The following CCDC144A variants were observed in gnomAD, a reference collection of about 807,000 sequenced individuals.
The protein encoded by CCDC144A is coiled-coil domain containing 144A, also known as coiled-coil domain-containing protein 144A.
In CCDC144A, 41 loss-of-function variants were observed where a neutral mutation model predicts 143.8. The ratio of observed to expected loss-of-function variants is 0.29; its 90% CI spans 0.22 to 0.37. The LOEUF (loss-of-function observed/expected upper bound fraction) is 0.37. Among genes scored for constraint, CCDC144A ranks in the 10% least tolerant of loss-of-function variants. The probability of loss-of-function intolerance (pLI) is 1.00; values close to 1 mark genes in which losing one functional copy is unlikely to be tolerated. For missense variants in CCDC144A, 637 were observed against 1,488.8 expected, an observed-to-expected ratio of 0.43 and a Z score of 9.41; for synonymous variants, 242 against 517.9, an observed-to-expected ratio of 0.47 and a Z score of 7.23.
At position 16,690,566 on chromosome 17, in the gene CCDC144A, A is replaced by G; in HGVS notation, c.166A>G (p.Asn56Asp). 6.2e-7 allele frequency: 1 copy of G among 1,613,642 alleles called. No individual in the cohort carries two copies. Among genetic ancestry groups the G allele is most frequent in the Non-Finnish European group, 8.5e-7 (1 of 1,179,800 alleles). The change falls in exon 1 of 17, where the codon AAC (asparagine) becomes GAC (aspartate). Residue 56 changes from asparagine (N) to aspartate (D), a missense_variant. Asn to Asp is a conservative substitution (Grantham distance 23, BLOSUM62 1). Coordinates refer to ENST00000399273, the MANE Select transcript of CCDC144A (RefSeq NM_001382000.1). ...SSGFPYSWWK[N>D]SVGSESKHGE... is the part of the protein sequence containing the mutation. Reference sequence around the variant, plus strand: ...GGGCTTCCCCTACAGCTGGTGGAAAAACAGCGTCGGCAGCGAGAGCAAGCA... The same window carrying G: ...GGGCTTCCCCTACAGCTGGTGGAAAGACAGCGTCGGCAGCGAGAGCAAGCA...
At chr17:16,750,288 G>A (rs973657417) in intron 12 of CCDC144A, among the ~76,000 whole-genome samples, 5 of 151,488 alleles carry the variant, frequency 3.3e-5, no homozygotes, top group African/African-American at 4.9e-5. Context: ...CTGGTCTAGC[G>A]GTAATGAATT....
At chr17:16,688,936 T>A (rs184533251), upstream of CCDC144A, among the ~76,000 whole-genome samples, 2 of 152,322 alleles carry the variant, frequency 1.3e-5, no homozygotes, top group African/African-American at 4.8e-5. Context: ...TCTCCTCGGC[T>A]GCAGCATCTG....
chr17:16,709,677 T>C, intron 5 of CCDC144A, 42 bp downstream of exon 5: 1 of 1,593,306 alleles, frequency 6.3e-7, no homozygotes, highest in South Asian at 1.2e-5. Context: ...TTTCTCTCAA[T>C]TATCTGGTCC....
the CCDC144A span, chr17:16,683,817 G>C: frequency 1.4e-6 from 2 of 1,425,558 alleles, no homozygotes; most frequent in Non-Finnish European, 2.0e-6. Flanking sequence ...GTGAAGCCGA[G>C]CGTGAAGCCG....
At chr17:16,676,644 CCAGA>C in the CCDC144A span, among the ~76,000 whole-genome samples, 2 of 152,030 alleles carry the variant, frequency 1.3e-5, no homozygotes, top group Non-Finnish European at 2.9e-5. Context: ...TCTCTTCTTA[CCAGA>C]CAATTGTCAA....
At chr17:16,770,644 G>A (rs1915790832) in intron 15 of CCDC144A, among the ~76,000 whole-genome samples, 1 of 151,988 alleles carries the variant, frequency 6.6e-6, no homozygotes, top group Admixed American at 6.5e-5. Context: ...GACTAAATCA[G>A]TGACATTCAT....
chr17:16,740,042 T>A (rs564522303), intron 12 of CCDC144A, among the ~76,000 whole-genome samples: 1 of 152,194 alleles, frequency 6.6e-6, no homozygotes, highest in South Asian at 2.1e-4. Context: ...CCCATTTCCA[T>A]CAAATCTTGG....
At chr17:16,716,479 G>A (rs2589722) in intron 6 of CCDC144A, among the ~76,000 whole-genome samples, 7 of 151,808 alleles carry the variant, frequency 4.6e-5, no homozygotes, top group African/African-American at 1.7e-4. Flanking sequence ...GGCAAATCCA[G>A]CTTTTTATAT....
the CCDC144A span, chr17:16,666,827 C>T: frequency 6.5e-6 from 1 of 154,288 alleles, no homozygotes; most frequent in African/African-American, 2.4e-5. Context: ...ATTTCCCCCA[C>T]TCTTGGGCAC....
chr17:16,669,450 C>T, the CCDC144A span, among the ~76,000 whole-genome samples: 1 of 152,310 alleles, frequency 6.6e-6, no homozygotes, highest in South Asian at 2.1e-4. Context: ...ACTTGTCTAA[C>T]GGCAAGTCTG....
intron 11 of CCDC144A, among the ~76,000 whole-genome samples, chr17:16,733,271 G>A (rs942664475): frequency 3.5e-5 from 5 of 144,784 alleles, no homozygotes; most frequent in African/African-American, 1.3e-4. Flanking sequence ...GGAGACTGAG[G>A]CGGGTGGATC....
intron 12 of CCDC144A, among the ~76,000 whole-genome samples, chr17:16,753,320 A>C (rs1405113443): frequency 6.6e-6 from 1 of 151,638 alleles, no homozygotes; most frequent in Admixed American, 6.6e-5. Flanking sequence ...TTCAGTCTGT[A>C]GACTGCTTTC....
At chr17:16,723,649 T>C (rs1396469036) in intron 8 of CCDC144A, among the ~76,000 whole-genome samples, 4 of 152,122 alleles carry the variant, frequency 2.6e-5, no homozygotes, top group Non-Finnish European at 4.4e-5. Context: ...TTTTTCCCCC[T>C]GTGTCCTCAC....
chr17:16,681,694 A>T, the CCDC144A span, among the ~76,000 whole-genome samples: 2 of 151,802 alleles, frequency 1.3e-5, no homozygotes, highest in African/African-American at 4.8e-5. Flanking sequence ...CCCCGTCTCT[A>T]CTAAAAATAC....
chr17:16,704,461 T>TA (rs907978828), intron 2 of CCDC144A, among the ~76,000 whole-genome samples: 286 of 144,506 alleles, frequency 2.0e-3, no homozygotes, highest in African/African-American at 5.5e-3. Flanking sequence ...TCTCAAAAAA[T>TA]AAAAAAAAAA....
intron 2 of CCDC144A, among the ~76,000 whole-genome samples, chr17:16,699,313 ATAAGT>A (rs1911586729): frequency 6.7e-6 from 1 of 148,738 alleles, no homozygotes; most frequent in Non-Finnish European, 1.5e-5. Context: ...TCCCGGCCAG[ATAAGT>A]TAAAAGTCCT....
At chr17:16,712,684 C>A (rs915023859) in intron 6 of CCDC144A, among the ~76,000 whole-genome samples, 8 of 151,940 alleles carry the variant, frequency 5.3e-5, no homozygotes, top group African/African-American at 1.9e-4. Flanking sequence ...ATTATAATAT[C>A]AAGAAGTTGG....
intron 12 of CCDC144A, among the ~76,000 whole-genome samples, chr17:16,754,079 G>C (rs1413941191): frequency 6.6e-6 from 1 of 152,134 alleles, no homozygotes; most frequent in Non-Finnish European, 1.5e-5. Flanking sequence ...TTCCAGGAAT[G>C]TATCCATTTT....
At chr17:16,699,835 A>G (rs1416975333) in intron 2 of CCDC144A, among the ~76,000 whole-genome samples, 2 of 151,980 alleles carry the variant, frequency 1.3e-5, no homozygotes, top group Non-Finnish European at 2.9e-5. Flanking sequence ...TTTTAAAATT[A>G]CTTTCTGACA....
Sources: gnomAD v4.1 joint callset for allele counts (sites outside exome capture counted in the v4.1 genomes callset) on GRCh38, gnomAD v4.1.1 for gene constraint, MANE v1.5 for transcripts, NCBI Gene and HGNC (gene_info 2026-07-23, HGNC 2026-07-21) for gene names.